Variants in RBM20 observed in about 807,000 individuals in gnomAD.
RBM20 encodes RNA-binding protein 20.
In RBM20, 51 loss-of-function variants were observed where a neutral mutation model predicts 110.1. The observed-to-expected ratio is 0.46, with a 90% CI of 0.37 to 0.59. The LOEUF is 0.59. RBM20 is among the 20% of genes least tolerant of loss of function. The pLI, the probability that RBM20 is intolerant of heterozygous loss-of-function variation, is 0.00. For synonymous variants in RBM20, 589 were observed against 618.2 expected (o/e 0.95, Z 0.70); for missense variants, 1,512 against 1,574.9 (o/e 0.96, Z 0.68).
chr10:110,675,774 A>G (rs1862330117), intron 1 of RBM20, among the ~76,000 whole-genome samples: 1 of 152,208 alleles, frequency 6.6e-6, no homozygotes, highest in Non-Finnish European at 1.5e-5. Flanking sequence ...GACCTTGGAA[A>G]TTACTTCTCT....
intron 1 of RBM20, among the ~76,000 whole-genome samples, chr10:110,755,464 A>T (rs1229254469): frequency 2.0e-5 from 3 of 152,242 alleles, no homozygotes; most frequent in Non-Finnish European, 4.4e-5. Context: ...CTGAGGGCTC[A>T]TCCAATAATT....
chr10:110,785,283 C>A (rs1284375178), intron 5 of RBM20, among the ~76,000 whole-genome samples: 2 of 152,118 alleles, frequency 1.3e-5, no homozygotes, highest in Non-Finnish European at 2.9e-5. Context: ...CCCATTTATA[C>A]CTGGTACCCT....
intron 1 of RBM20, among the ~76,000 whole-genome samples, chr10:110,738,077 G>C (rs1843690119): frequency 6.6e-6 from 1 of 152,174 alleles, no homozygotes; most frequent in East Asian, 1.9e-4. Flanking sequence ...TGTGGTTTCT[G>C]CTTTTGTGCC....
At chr10:110,805,081 A>T (rs17763750) in intron 7 of RBM20, among the ~76,000 whole-genome samples, 13,383 of 152,266 alleles carry the variant, frequency 0.088, 721 homozygotes, top group Middle Eastern at 0.13. Flanking sequence ...ATGTGCTGAT[A>T]GTTACAAAGC....
chr10:110,720,418 T>G (rs765134110), intron 1 of RBM20, among the ~76,000 whole-genome samples: 1 of 152,210 alleles, frequency 6.6e-6, no homozygotes, highest in Non-Finnish European at 1.5e-5. Flanking sequence ...TACTTTCTAG[T>G]CCACATTTTG....
chr10:110,801,339 A>G (rs1248178694), intron 7 of RBM20, among the ~76,000 whole-genome samples: 1 of 151,916 alleles, frequency 6.6e-6, no homozygotes, highest in Non-Finnish European at 1.5e-5. Flanking sequence ...AGGCAGGAGA[A>G]TCGCTTTAAC....
At chr10:110,816,709 A>G (rs960667331) in intron 9 of RBM20, among the ~76,000 whole-genome samples, 1 of 152,130 alleles carries the variant, frequency 6.6e-6, no homozygotes, top group African/African-American at 2.4e-5. Context: ...CCCAGTCCCT[A>G]GAGGAGGGCT....
intron 9 of RBM20, among the ~76,000 whole-genome samples, chr10:110,818,383 T>C (rs1282908653): frequency 5.3e-5 from 8 of 151,136 alleles, no homozygotes; most frequent in African/African-American, 1.7e-4. Flanking sequence ...TTGGGAAGAA[T>C]AGATTTTGGG....
intron 7 of RBM20, among the ~76,000 whole-genome samples, chr10:110,804,383 A>G (rs977982714): frequency 6.6e-6 from 1 of 152,194 alleles, no homozygotes; most frequent in Non-Finnish European, 1.5e-5. Context: ...CTCTGGGCCA[A>G]AGGGGCTGCA....
intron 1 of RBM20, among the ~76,000 whole-genome samples, chr10:110,662,710 A>G (rs1862122579): frequency 6.6e-6 from 1 of 152,244 alleles, no homozygotes; most frequent in African/African-American, 2.4e-5. Context: ...CATAGGCACA[A>G]GCTTCTCCAT....
intron 1 of RBM20, among the ~76,000 whole-genome samples, chr10:110,773,787 C>T (rs148282818): frequency 1.3e-5 from 2 of 152,290 alleles, no homozygotes; most frequent in Admixed American, 6.5e-5. Context: ...GCAGGCCTCT[C>T]GTGTCAGTTC....
At chr10:110,822,109 T>G (rs1489273758) in intron 11 of RBM20, among the ~76,000 whole-genome samples, 174 bp downstream of exon 11, 2 of 152,352 alleles carry the variant, frequency 1.3e-5, no homozygotes, top group East Asian at 3.9e-4. Flanking sequence ...CTGGCTAAAC[T>G]GTTAGTGATT....
chr10:110,831,678 A>AC lies in RBM20; in HGVS notation c.3573+496_3573+497insC, dbSNP rs779574484. 1.5e-3 allele frequency among the ~76,000 whole-genome samples: 212 copies of AC among 143,834 alleles called. 1 individual carries two copies. Among genetic ancestry groups the AC allele is most frequent in the Non-Finnish European group, 2.2e-3 (143 of 65,334 alleles). 94.4% of individuals were successfully genotyped at this position (143,834 alleles called of 152,430 possible). ...CTGCTTGCTAGAATAAAAAAAAAAA[A>AC]AAAAAAAAAAAAACACTGCTTTGTT... On this transcript the variant is annotated intron_variant, in intron 13 of 13. Transcript: ENST00000369519.
At chr10:110,789,425 T>C (rs911730569) in intron 5 of RBM20, among the ~76,000 whole-genome samples, 11 of 150,802 alleles carry the variant, frequency 7.3e-5, no homozygotes, top group Middle Eastern at 3.4e-3. Flanking sequence ...GTTTTTTTTT[T>C]CTCATTTTCT....
intron 13 of RBM20, among the ~76,000 whole-genome samples, chr10:110,831,991 G>A (rs1010776606): frequency 6.6e-6 from 1 of 152,130 alleles, no homozygotes; most frequent in Non-Finnish European, 1.5e-5. Flanking sequence ...GAAAAAAAAT[G>A]TTGCAAATCA....
At position 110,649,390 on chromosome 10, in the gene RBM20, A is replaced by G. The variant is rs544491080; in HGVS notation, c.191+4745A>G. On this transcript the variant is annotated intron_variant, in intron 1 of 13. Transcript: ENST00000369519. ...GGTTTGATAAACAAGAATACACAAA[A>G]TGTTGGGAACTGGGGTTTAATCAAG... Among the ~76,000 whole-genome samples the G allele has an allele frequency of 8.5e-5, 13 of 152,334 alleles. No individual in the cohort carries two copies. The South Asian group carries it at 2.7e-3, about 32-fold the overall frequency.
intron 1 of RBM20, among the ~76,000 whole-genome samples, chr10:110,697,139 T>C (rs1006787001): frequency 6.6e-6 from 1 of 152,240 alleles, no homozygotes; most frequent in Non-Finnish European, 1.5e-5. Context: ...AATTTTTTTT[T>C]TAAGCTCATT....
intron 12 of RBM20, among the ~76,000 whole-genome samples, chr10:110,828,256 C>T (rs928751807): frequency 1.3e-5 from 2 of 152,138 alleles, no homozygotes; most frequent in African/African-American, 2.4e-5. Context: ...ACATCAGGGC[C>T]GGGGCAATAT....
At chr10:110,707,938 G>A (rs2134906137) in intron 1 of RBM20, among the ~76,000 whole-genome samples, 1 of 152,290 alleles carries the variant, frequency 6.6e-6, no homozygotes, top group South Asian at 2.1e-4. Flanking sequence ...ACAAATGCAT[G>A]AGTTACCTGA....
Sources: allele counts gnomAD v4.1 joint callset (sites outside exome capture counted in the v4.1 genomes callset), GRCh38; gene constraint gnomAD v4.1.1; transcripts MANE v1.5; gene names NCBI Gene and HGNC (gene_info 2026-07-23, HGNC 2026-07-21).